The following GPATCH2 variants were observed in gnomAD, a reference collection of about 807,000 sequenced individuals.
GPATCH2 encodes G-patch domain containing 2, also known as G patch domain-containing protein 2.
GPATCH2 carries 51 observed loss-of-function variants against 58.0 expected under a neutral mutation model. That is an observed-to-expected ratio of 0.88 (90% CI 0.70 to 1.11). The LOEUF (loss-of-function observed/expected upper bound fraction) is 1.11, where lower values mean the gene tolerates loss of function less well. Among genes scored for constraint, GPATCH2 ranks in the 50% most tolerant of loss-of-function variants. GPATCH2 has a pLI of 0.00. For synonymous variants in GPATCH2, 222 were observed against 218.5 expected, an observed-to-expected ratio of 1.02 and a Z score of -0.14; for missense variants, 625 against 652.2, an observed-to-expected ratio of 0.96 and a Z score of 0.45.
At chr1:217,447,820 C>T (rs1057039207) in intron 9 of GPATCH2, among the ~76,000 whole-genome samples, 8 of 152,142 alleles carry the variant, frequency 5.3e-5, no homozygotes, top group Non-Finnish European at 7.4e-5. Context: ...TGGCTGGGTG[C>T]GGTGGCTCAC....
intron 5 of GPATCH2, among the ~76,000 whole-genome samples, chr1:217,576,756 T>C (rs1306362141): frequency 1.3e-5 from 2 of 152,140 alleles, no homozygotes; most frequent in East Asian, 1.9e-4. Flanking sequence ...ATTCTATTAG[T>C]ATTACCAGAG....
intron 5 of GPATCH2, among the ~76,000 whole-genome samples, chr1:217,525,356 T>G (rs1459337452): frequency 1.3e-5 from 2 of 152,166 alleles, no homozygotes; most frequent in African/African-American, 2.4e-5. Context: ...ACATAGCACA[T>G]AATGTAGTTC....
intron 5 of GPATCH2, among the ~76,000 whole-genome samples, chr1:217,591,704 T>C (rs1352996301): frequency 6.6e-6 from 1 of 152,134 alleles, no homozygotes. Flanking sequence ...ACCTTAGCAA[T>C]ACATGAACTC....
intron 5 of GPATCH2, among the ~76,000 whole-genome samples, chr1:217,556,609 C>A (rs1665638270): frequency 6.6e-6 from 1 of 152,058 alleles, no homozygotes. Context: ...ATTTTCCTGC[C>A]AAGAGACATT....
chr1:217,584,352 T>TATAC (rs1389091722), intron 5 of GPATCH2, among the ~76,000 whole-genome samples: 1 of 57,582 alleles, frequency 1.7e-5, no homozygotes, highest in Non-Finnish European at 3.8e-5. Context: ...AAAATATATA[T>TATAC]ATATATATAT....
At chr1:217,625,208 T>G (rs1270448343) in intron 1 of GPATCH2, among the ~76,000 whole-genome samples, 1 of 152,196 alleles carries the variant, frequency 6.6e-6, no homozygotes, top group Non-Finnish European at 1.5e-5. Flanking sequence ...TCTAATAAAT[T>G]CAGGCTCTAA....
At position 217,606,748 on chromosome 1, in the gene GPATCH2, A is replaced by T. The variant is rs12728431; in HGVS notation, c.1098+3573T>A. 9.5e-3 allele frequency among the ~76,000 whole-genome samples: 1,438 copies of T among 152,004 alleles called. 18 individuals carry two copies. Among genetic ancestry groups the T allele is most frequent in the African/African-American group, 0.027 (1,118 of 41,440 alleles). On this transcript the variant is annotated intron_variant, in intron 5 of 9. Transcript: ENST00000366935. Reference sequence around the variant, plus strand: ...AGAGCAAGACCCATCTCAAAAAAAAAGAAATACCAGAAAAGTTTAAGGTCC... The same window carrying T: ...AGAGCAAGACCCATCTCAAAAAAAATGAAATACCAGAAAAGTTTAAGGTCC...
intron 5 of GPATCH2, among the ~76,000 whole-genome samples, chr1:217,527,249 A>G (rs1158300997): frequency 6.6e-6 from 1 of 152,212 alleles, no homozygotes; most frequent in Non-Finnish European, 1.5e-5. Context: ...ATTGTCTTCC[A>G]GGAAACCAGT....
intron 5 of GPATCH2, among the ~76,000 whole-genome samples, chr1:217,523,894 C>CG (rs1156850414): frequency 1.3e-4 from 15 of 112,898 alleles, no homozygotes; most frequent in Non-Finnish European, 2.9e-4. Context: ...GCTGGCCGGG[C>CG]GGGGGGCTGA....
chr1:217,577,421 A>G (rs986806415), intron 5 of GPATCH2, among the ~76,000 whole-genome samples: 1 of 152,190 alleles, frequency 6.6e-6, no homozygotes, highest in African/African-American at 2.4e-5. Flanking sequence ...TAAGGAAATT[A>G]CTTAACCTAT....
chr1:217,527,512 C>A (rs142736692), intron 5 of GPATCH2, among the ~76,000 whole-genome samples: 99 of 149,842 alleles, frequency 6.6e-4, no homozygotes, highest in African/African-American at 2.4e-3. Flanking sequence ...AGTTAAAGAC[C>A]AAAAGAATCA....
chr1:217,546,070 C>T (rs997645051), intron 5 of GPATCH2, among the ~76,000 whole-genome samples: 4 of 151,896 alleles, frequency 2.6e-5, no homozygotes, highest in Admixed American at 2.6e-4. Flanking sequence ...AATAAAATAC[C>T]TAGGAATATA....
intron 5 of GPATCH2, among the ~76,000 whole-genome samples, chr1:217,567,236 G>A (rs1666294638): frequency 6.6e-6 from 1 of 151,908 alleles, no homozygotes; most frequent in Admixed American, 6.6e-5. Flanking sequence ...ACTAGAGACG[G>A]GGTTTCTCCA....
intron 5 of GPATCH2, among the ~76,000 whole-genome samples, chr1:217,539,364 G>A (rs1664622915): frequency 6.6e-6 from 1 of 152,126 alleles, no homozygotes; most frequent in Admixed American, 6.6e-5. Context: ...TTTACTATCT[G>A]GAGATTTTAA....
chr1:217,543,779 G>A (rs1457613192), intron 5 of GPATCH2, among the ~76,000 whole-genome samples: 1 of 152,128 alleles, frequency 6.6e-6, no homozygotes, highest in Non-Finnish European at 1.5e-5. Flanking sequence ...TGTATTAAAT[G>A]AACTGATAAG....
chr1:217,598,078 G>A (rs1017154762), intron 5 of GPATCH2, among the ~76,000 whole-genome samples: 6 of 152,090 alleles, frequency 3.9e-5, no homozygotes, highest in Admixed American at 6.5e-5. Flanking sequence ...AACTAGTGGC[G>A]GAAAACTGCC....
At chr1:217,534,939 T>G (rs1664390951) in intron 5 of GPATCH2, among the ~76,000 whole-genome samples, 1 of 152,208 alleles carries the variant, frequency 6.6e-6, no homozygotes, top group South Asian at 2.1e-4. Flanking sequence ...AGCTATTCAG[T>G]TATTTAGTAC....
intron 8 of GPATCH2, among the ~76,000 whole-genome samples, chr1:217,485,875 G>A (rs182341411): frequency 1.4e-3 from 209 of 152,252 alleles, no homozygotes; most frequent in Middle Eastern, 3.4e-3. Flanking sequence ...TATGTGATCC[G>A]TCACTGACTG....
At chr1:217,455,783 A>C (rs1341830589) in intron 8 of GPATCH2, among the ~76,000 whole-genome samples, 1 of 151,882 alleles carries the variant, frequency 6.6e-6, no homozygotes, top group Non-Finnish European at 1.5e-5. Flanking sequence ...TTGCGCCCAA[A>C]AGTTGCCTTT....
Sources: allele counts gnomAD v4.1 joint callset (sites outside exome capture counted in the v4.1 genomes callset), GRCh38; gene constraint gnomAD v4.1.1; transcripts MANE v1.5; gene names NCBI Gene and HGNC (gene_info 2026-07-23, HGNC 2026-07-21).